The following OR11H4 variants were observed in gnomAD, a reference collection of about 807,000 sequenced individuals.
OR11H4 encodes olfactory receptor family 11 subfamily H member 4.
For missense variants in OR11H4, 460 were observed against 371.1 expected, an observed-to-expected ratio of 1.24 and a Z score of -1.97; for synonymous variants, 162 against 142.3, an observed-to-expected ratio of 1.14 and a Z score of -0.98.
chr14:20,242,770 C>T (rs373928080), intron 1 of OR11H4, 41 bp from the exon 2 acceptor site: 26 of 1,594,994 alleles, frequency 1.6e-5, no homozygotes, highest in Non-Finnish European at 2.2e-5. Context: ...GGATTACACT[C>T]CAAGAGACTT....
Position 20,243,663 on chromosome 14 carries a change from C to T in OR11H4, c.842C>T (p.Thr281Met), listed in dbSNP as rs753041870. 1 of 1,613,974 alleles carries T rather than the reference C, an allele frequency of 6.2e-7. No homozygotes were observed. The highest frequency in any genetic ancestry group is 1.1e-5 in the South Asian group (1 of 91,060). ...QKILTLVYSV[T>M]TPLFNPLIYT... ...ATCCTCACACTGGTATATTCAGTAACGACTCCTCTTTTTAATCCTCTGATC... is the reference window on the plus strand; with the variant it reads ...ATCCTCACACTGGTATATTCAGTAATGACTCCTCTTTTTAATCCTCTGATC... The change falls in exon 2 of 2, where the codon ACG becomes ATG. Residue 281 changes from threonine to methionine, a missense_variant. Coordinates refer to ENST00000641082, the MANE Select transcript of OR11H4 (RefSeq NM_001004479.2).
In OR11H4 at chr14:20,243,940, G is replaced by A. The variant is rs1267629503; in HGVS notation, c.*174G>A. 9.6e-6 allele frequency: 5 copies of A among 518,432 alleles called. No individual in the cohort carries two copies. The highest frequency in any genetic ancestry group is 1.6e-5 in the Non-Finnish European group (5 of 318,036). The allele number at this position is 518,432 out of a possible 1,614,324, so 32.1% of individuals were successfully genotyped here. On this transcript the variant is annotated 3_prime_UTR_variant, in exon 2 of 2. Coordinates refer to ENST00000641082, the MANE Select transcript of OR11H4 (RefSeq NM_001004479.2). ...CTGACTCTTTAAACCTTAATTAACT[G>A]GTCTTCAACATCCACTTAAAAGTTT... is the stretch of plus-strand genomic sequence containing the variant.
At position 20,243,849 on chromosome 14, in the gene OR11H4, AGT is replaced by A; in HGVS notation, c.*84_*85del. 1 of 1,355,176 alleles carries A rather than the reference AGT, an allele frequency of 7.4e-7. No individual in the cohort carries two copies. The highest frequency in any genetic ancestry group is 1.0e-6 in the Non-Finnish European group (1 of 999,502). The allele number at this position is 1,355,176 out of a possible 1,614,324, so 83.9% of individuals were successfully genotyped here. ...GTTCTTTAGCAGTCTTTCAGTCCTCAGTCTGAGTAGTTAGAGGTTGTATATTT... is the reference window on the plus strand; with the variant it reads ...GTTCTTTAGCAGTCTTTCAGTCCTCACTGAGTAGTTAGAGGTTGTATATTT... On this transcript the variant is annotated 3_prime_UTR_variant, in exon 2 of 2. Transcript: ENST00000641082.
Position 20,243,720 on chromosome 14 carries a change from C to A in OR11H4, c.899C>A (p.Ala300Asp). 1 of 1,600,166 alleles carries A rather than the reference C, an allele frequency of 6.2e-7. No homozygotes were observed. Among genetic ancestry groups the A allele is most frequent in the South Asian group, 1.1e-5 (1 of 89,008 alleles). The change falls in exon 2 of 2, where the codon GCT becomes GAT. Residue 300 changes from alanine (A) to aspartate (D), a missense_variant. Transcript: ENST00000641082. ...YTLRNKDMKL[A>D]LRNVLFGMRI... ...CTTCGTAATAAGGACATGAAACTCG[C>A]TCTGAGAAATGTCCTGTTTGGAATG...
In OR11H4 at chr14:20,243,983, T is replaced by G; in HGVS notation, c.*217T>G. ...AAAAGTTTTCAAAGCCTGTCTTTAT[T>G]AGAATGATAAAATGGAATTTCTACA... On this transcript the variant is annotated 3_prime_UTR_variant, in exon 2 of 2. Transcript: ENST00000641082. 1 of 416,790 alleles carries G rather than the reference T, an allele frequency of 2.4e-6. No individual in the cohort carries two copies. The highest frequency in any genetic ancestry group is 4.2e-6 in the Non-Finnish European group (1 of 237,444). The allele number at this position is 416,790 out of a possible 1,614,324, so 25.8% of individuals were successfully genotyped here. A position where few individuals can be genotyped will look rare whatever the true frequency, so the allele number is the denominator to read the frequency against.
At chr14:20,241,922 T>C (rs995161685) in intron 1 of OR11H4, among the ~76,000 whole-genome samples, 4 of 152,016 alleles carry the variant, frequency 2.6e-5, no homozygotes, top group Non-Finnish European at 5.9e-5. Context: ...AGTATCTCAG[T>C]GAAGTAAAGA....
chr14:20,244,023 G>A lies in OR11H4; in HGVS notation c.*257G>A. On this transcript the variant is annotated 3_prime_UTR_variant, in exon 2 of 2. Transcript: ENST00000641082. ...GAATTTCTACATGAGATGCCCTCCT[G>A]CTGACATGCCCCATGGTTCATCATT... The A allele has an allele frequency of 3.0e-6, 1 of 330,320 alleles. No homozygotes were observed. Among genetic ancestry groups the A allele is most frequent in the Non-Finnish European group, 5.5e-6 (1 of 181,752 alleles). 20.5% of individuals were successfully genotyped at this position (330,320 alleles called of 1,614,324 possible). A position where few individuals can be genotyped will look rare whatever the true frequency, so the allele number is the denominator to read the frequency against.
intron 1 of OR11H4, 47 bp from the exon 2 acceptor site, chr14:20,242,764 T>C (rs1880963146): frequency 1.3e-6 from 2 of 1,584,936 alleles, no homozygotes. Context: ...GCAATTGGAT[T>C]ACACTCCAAG....
At position 20,244,224 on chromosome 14, in the gene OR11H4, T is replaced by A. The variant is rs1021595499; in HGVS notation, c.*458T>A. ...TCTCAATTTTTTTTACTTACAACAA[T>A]AATATGTGATTGTTGTAATAAATTC... On this transcript the variant is annotated 3_prime_UTR_variant, in exon 2 of 2. Transcript: ENST00000641082. The A allele has an allele frequency of 1.3e-5, 2 of 152,916 alleles. No homozygotes were observed. Among genetic ancestry groups the A allele is most frequent in the African/African-American group, 4.8e-5 (2 of 41,468 alleles). The allele number at this position is 152,916 out of a possible 1,614,324, so 9.5% of individuals were successfully genotyped here. A position where few individuals can be genotyped will look rare whatever the true frequency, so the allele number is the denominator to read the frequency against.
chr14:20,241,056 C>G (rs976299101), intron 1 of OR11H4, among the ~76,000 whole-genome samples: 2 of 151,904 alleles, frequency 1.3e-5, no homozygotes, highest in Admixed American at 6.6e-5. Context: ...TTTCAGTAAA[C>G]AAAATTCTAA....
intron 1 of OR11H4, among the ~76,000 whole-genome samples, chr14:20,240,775 C>G (rs980039547): frequency 6.6e-6 from 1 of 151,816 alleles, no homozygotes; most frequent in South Asian, 2.1e-4. Flanking sequence ...AGGGTTTTCA[C>G]CATGTTGGCC....
intron 1 of OR11H4, among the ~76,000 whole-genome samples, chr14:20,240,647 G>A (rs1328596809): frequency 3.4e-5 from 5 of 146,842 alleles, no homozygotes; most frequent in East Asian, 4.0e-4. Context: ...GTGTGATCTC[G>A]GCTCACTGCA....
chr14:20,243,859 G>C lies in OR11H4; in HGVS notation c.*93G>C. The C allele has an allele frequency of 2.3e-6, 3 of 1,278,668 alleles. No individual in the cohort carries two copies. The highest frequency in any genetic ancestry group is 2.1e-6 in the Non-Finnish European group (2 of 939,684). 79.2% of individuals were successfully genotyped at this position (1,278,668 alleles called of 1,614,324 possible). On this transcript the variant is annotated 3_prime_UTR_variant, in exon 2 of 2. Transcript: ENST00000641082. ...AGTCTTTCAGTCCTCAGTCTGAGTA[G>C]TTAGAGGTTGTATATTTTACCTGGA... is the stretch of plus-strand genomic sequence containing the variant.
rs779897740 is a variant in OR11H4 at position 20,242,934 on chromosome 14, C to A, written c.113C>A (p.Thr38Asn). Reference protein sequence around the residue: ...FSLFLVIYVLTLLGNGAIIYA... With the variant: ...FSLFLVIYVLNLLGNGAIIYA... ...TTGTTTTTGGTGATTTATGTCTTGACCTTGCTGGGAAATGGAGCCATCATC... is the reference window on the plus strand; with the variant it reads ...TTGTTTTTGGTGATTTATGTCTTGAACTTGCTGGGAAATGGAGCCATCATC... Residue 38 changes from threonine (T) to asparagine (N), a missense_variant, in exon 2 of 2, where the codon ACC becomes AAC. Coordinates refer to ENST00000641082, the MANE Select transcript of OR11H4 (RefSeq NM_001004479.2). 3 of 1,614,106 alleles carry A rather than the reference C, an allele frequency of 1.9e-6. No homozygotes were observed. Among genetic ancestry groups the A allele is most frequent in the African/African-American group, 1.3e-5 (1 of 75,016 alleles).
At chr14:20,241,772 G>A (rs899656939) in intron 1 of OR11H4, among the ~76,000 whole-genome samples, 1 of 152,130 alleles carries the variant, frequency 6.6e-6, no homozygotes, top group Non-Finnish European at 1.5e-5. Context: ...AAAAAGGAAT[G>A]TAGTAGGAGA....
chr14:20,243,802 G>T lies in OR11H4; in HGVS notation c.*36G>T, dbSNP rs1352743198. On this transcript the variant is annotated 3_prime_UTR_variant, in exon 2 of 2. Transcript: ENST00000641082. The stretch of plus-strand genomic sequence containing the variant: ...TGCCATACTTACAAGTTCTAACGAA[G>T]AACAAGGTCGAGATGTTGTCAGTTC... The T allele has an allele frequency of 6.5e-7, 1 of 1,533,320 alleles. No homozygotes were observed. The highest frequency in any genetic ancestry group is 1.4e-5 in the African/African-American group (1 of 72,422). 95.0% of individuals were successfully genotyped at this position (1,533,320 alleles called of 1,614,324 possible). A position where few individuals can be genotyped will look rare whatever the true frequency, so the allele number is the denominator to read the frequency against.
At chr14:20,241,080 A>G (rs886108029) in intron 1 of OR11H4, among the ~76,000 whole-genome samples, 1 of 152,190 alleles carries the variant, frequency 6.6e-6, no homozygotes, top group East Asian at 1.9e-4. Context: ...ATAGGATTGC[A>G]GATGAAGCCC....
chr14:20,240,286 G>A (rs1280147234), intron 1 of OR11H4, among the ~76,000 whole-genome samples: 3 of 152,198 alleles, frequency 2.0e-5, no homozygotes, highest in African/African-American at 7.2e-5. Context: ...ATTCAAGGAA[G>A]ATGGTAAACA....
At chr14:20,242,329 G>A (rs555575734) in intron 1 of OR11H4, among the ~76,000 whole-genome samples, 124 of 152,200 alleles carry the variant, frequency 8.1e-4, no homozygotes, top group Middle Eastern at 3.4e-3. Context: ...TATACTGCTT[G>A]TAAACATTTT....
Sources: gnomAD v4.1 joint callset for allele counts (sites outside exome capture counted in the v4.1 genomes callset) on GRCh38, gnomAD v4.1.1 for gene constraint, MANE v1.5 for transcripts, NCBI Gene and HGNC (gene_info 2026-07-23, HGNC 2026-07-21) for gene names.